Variants in SUGCT observed in about 807,000 individuals in gnomAD.
SUGCT encodes the protein succinyl-CoA:glutarate CoA-transferase.
A neutral mutation model predicts 55.0 loss-of-function variants in SUGCT; 41 were observed. That is an observed-to-expected ratio of 0.74 (90% CI 0.58 to 0.97). The LOEUF (loss-of-function observed/expected upper bound fraction) is 0.97, where lower values mean the gene tolerates loss of function less well. Ranked by LOEUF, SUGCT falls within the 50% of genes least tolerant of loss-of-function variation. SUGCT has a pLI of 0.00. For synonymous variants in SUGCT, 187 were observed against 200.4 expected (o/e 0.93, Z 0.56); for missense variants, 568 against 547.8 (o/e 1.04, Z -0.37).
intron 13 of SUGCT, among the ~76,000 whole-genome samples, chr7:40,854,476 C>CTTTCTT (rs1359640248): frequency 6.2e-5 from 6 of 96,724 alleles, no homozygotes; most frequent in Admixed American, 1.1e-4. Context: ...TTCTTTCTTT[C>CTTTCTT]TCTTTCTCTC....
At chr7:40,497,265 C>T (rs1792033775) in intron 12 of SUGCT, among the ~76,000 whole-genome samples, 1 of 152,096 alleles carries the variant, frequency 6.6e-6, no homozygotes, top group Non-Finnish European at 1.5e-5. Flanking sequence ...AATTACTGAG[C>T]ATAGAATACA....
chr7:40,979,059 C>T, the SUGCT span, among the ~76,000 whole-genome samples: 1 of 152,062 alleles, frequency 6.6e-6, no homozygotes, highest in East Asian at 1.9e-4. Flanking sequence ...TTGATGTACC[C>T]CCATATTCAC....
At chr7:40,255,700 CT>C (rs1175528536) in intron 7 of SUGCT, among the ~76,000 whole-genome samples, 3 of 137,722 alleles carry the variant, frequency 2.2e-5, no homozygotes, top group African/African-American at 8.0e-5. Context: ...AAATAACTGT[CT>C]GCATTGTTTG....
At chr7:40,392,822 T>C (rs570675067) in intron 9 of SUGCT, among the ~76,000 whole-genome samples, 7 of 152,256 alleles carry the variant, frequency 4.6e-5, no homozygotes, top group African/African-American at 1.7e-4. Context: ...GAGATGTAAG[T>C]TTGAAAAATA....
rs567342301 is a variant in SUGCT, at chr7:40,274,384, C to A, written c.577-129C>A. On this transcript the variant is annotated intron_variant, in intron 7 of 13. Coordinates refer to ENST00000335693, the MANE Select transcript of SUGCT (RefSeq NM_001193313.2). ...AATAGCAATTTATTTTATTAACTTT[C>A]TTGTGTGTATGTGTCTGCACAGTTA... 60 of 875,584 alleles carry A rather than the reference C, an allele frequency of 6.9e-5. No homozygotes were observed. In the South Asian group the frequency reaches 1.1e-3, roughly 16 times the overall value. The allele number at this position is 875,584 out of a possible 1,614,324, so 54.2% of individuals were successfully genotyped here.
At chr7:40,467,068 G>T (rs1001700735) in intron 11 of SUGCT, among the ~76,000 whole-genome samples, 1 of 152,068 alleles carries the variant, frequency 6.6e-6, no homozygotes, top group African/African-American at 2.4e-5. Flanking sequence ...TGGGCATGGT[G>T]GTGCACGCCT....
At chr7:40,395,835 C>T (rs1785698127) in intron 9 of SUGCT, among the ~76,000 whole-genome samples, 1 of 152,100 alleles carries the variant, frequency 6.6e-6, no homozygotes, top group Admixed American at 6.5e-5. Flanking sequence ...AGTTATCATT[C>T]TCCTAAAAAA....
intron 13 of SUGCT, among the ~76,000 whole-genome samples, chr7:40,856,076 C>A (rs1794155042): frequency 6.6e-6 from 1 of 152,164 alleles, no homozygotes; most frequent in African/African-American, 2.4e-5. Flanking sequence ...AGATCAAAGG[C>A]TCTTGGGAGG....
chr7:40,341,721 GT>G (rs1230380114), intron 9 of SUGCT, among the ~76,000 whole-genome samples: 1 of 152,184 alleles, frequency 6.6e-6, no homozygotes, highest in Non-Finnish European at 1.5e-5. Context: ...TTGTAAAATT[GT>G]GGGCTGTGAA....
chr7:40,902,102 GT>G, the SUGCT span, among the ~76,000 whole-genome samples: 1 of 151,784 alleles, frequency 6.6e-6, no homozygotes, highest in Non-Finnish European at 1.5e-5. Context: ...CACCCAAGTG[GT>G]TCTGCAAAGA....
At chr7:40,164,148 G>T (rs552420382) in intron 1 of SUGCT, among the ~76,000 whole-genome samples, 298 of 150,808 alleles carry the variant, frequency 2.0e-3, no homozygotes, top group African/African-American at 6.7e-3. Flanking sequence ...TTTTGAGACG[G>T]AGTCTCGTTC....
intron 6 of SUGCT, among the ~76,000 whole-genome samples, chr7:40,221,220 C>A (rs569380845): frequency 1.2e-4 from 18 of 151,956 alleles, no homozygotes; most frequent in Admixed American, 5.9e-4. Context: ...TCAAGACCAG[C>A]CTGGCCAACA....
intron 10 of SUGCT, among the ~76,000 whole-genome samples, chr7:40,456,586 A>C (rs1419444686): frequency 6.6e-6 from 1 of 152,162 alleles, no homozygotes; most frequent in Admixed American, 6.5e-5. Flanking sequence ...TATGGGAAAA[A>C]GTGGTCAAGG....
chr7:40,739,531 T>A (rs927513301), intron 12 of SUGCT, among the ~76,000 whole-genome samples: 2 of 152,224 alleles, frequency 1.3e-5, no homozygotes, highest in Non-Finnish European at 2.9e-5. Flanking sequence ...TTCCTAAATT[T>A]TATAGTTACC....
chr7:40,511,374 G>A (rs73689810), intron 12 of SUGCT, among the ~76,000 whole-genome samples: 2,112 of 152,234 alleles, frequency 0.014, 36 homozygotes, highest in African/African-American at 0.048. Flanking sequence ...CTGAAGAACA[G>A]TTTCAGACTG....
intron 12 of SUGCT, among the ~76,000 whole-genome samples, chr7:40,702,167 C>T (rs1384068119): frequency 6.6e-6 from 1 of 152,206 alleles, no homozygotes; most frequent in Non-Finnish European, 1.5e-5. Flanking sequence ...GCAGCCAGAC[C>T]TTCCTCAGAT....
rs563797453 is a variant in SUGCT, at chr7:40,534,607, C to T, written c.1089+38221C>T. 2.9e-3 allele frequency among the ~76,000 whole-genome samples: 435 copies of T among 152,158 alleles called. 1 individual carries two copies. The highest frequency in any genetic ancestry group is 0.01 in the Middle Eastern group (3 of 294). Reference sequence around the variant, plus strand: ...CTGATTTTTGTATTTTTAGTAGAGACGGGGTTTCGGCATGTTGGCCAGACT... The same window carrying T: ...CTGATTTTTGTATTTTTAGTAGAGATGGGGTTTCGGCATGTTGGCCAGACT... On this transcript the variant is annotated intron_variant, in intron 12 of 13. Coordinates refer to ENST00000335693, the MANE Select transcript of SUGCT (RefSeq NM_001193313.2).
chr7:40,271,702 C>G (rs936156119), intron 7 of SUGCT, among the ~76,000 whole-genome samples: 3 of 151,992 alleles, frequency 2.0e-5, no homozygotes, highest in Non-Finnish European at 2.9e-5. Flanking sequence ...TTATTCCCTG[C>G]TAACTATTTT....
In SUGCT at chr7:40,458,256, C is replaced by G. The variant is rs186200538; in HGVS notation, c.889-845C>G. On this transcript the variant is annotated intron_variant, in intron 10 of 13. Coordinates refer to ENST00000335693, the MANE Select transcript of SUGCT (RefSeq NM_001193313.2). ...ATGGCCTGCCCCCAGGCTGTAAATACTCCTTGTGACTTTCCAATACAACTG... is the reference window on the plus strand; with the variant it reads ...ATGGCCTGCCCCCAGGCTGTAAATAGTCCTTGTGACTTTCCAATACAACTG... Among the ~76,000 whole-genome samples, 609 of 152,360 alleles carry G rather than the reference C, an allele frequency of 4.0e-3. 2 individuals are homozygous for G. The highest frequency in any genetic ancestry group is 6.8e-3 in the South Asian group (33 of 4,834).
Sources: allele counts gnomAD v4.1 joint callset (sites outside exome capture counted in the v4.1 genomes callset), GRCh38; gene constraint gnomAD v4.1.1; transcripts MANE v1.5; gene names NCBI Gene and HGNC (gene_info 2026-07-23, HGNC 2026-07-21).